Variants in HDAC9 observed in about 807,000 individuals in gnomAD.
HDAC9 encodes MEF-2 interacting transcription repressor (MITR) protein.
A neutral mutation model predicts 139.4 loss-of-function variants in HDAC9; 41 were observed. That is an observed-to-expected ratio of 0.29 (90% CI 0.23 to 0.38). The LOEUF is 0.38. Ranked by LOEUF, HDAC9 falls within the 10% of genes least tolerant of loss-of-function variation. The pLI, the probability that HDAC9 is intolerant of heterozygous loss-of-function variation, is 1.00. For missense variants in HDAC9, 1,147 were observed against 1,297.0 expected, an observed-to-expected ratio of 0.88 and a Z score of 1.78; for synonymous variants, 517 against 476.2, an observed-to-expected ratio of 1.09 and a Z score of -1.12.
At chr7:18,635,707 C>A (rs1235808661) in intron 8 of HDAC9, among the ~76,000 whole-genome samples, 2 of 152,030 alleles carry the variant, frequency 1.3e-5, no homozygotes, top group Non-Finnish European at 2.9e-5. Context: ...ATATAACATA[C>A]TTCTTTTGTT....
intron 12 of HDAC9, among the ~76,000 whole-genome samples, chr7:18,676,374 A>C (rs990110115): frequency 6.6e-6 from 1 of 151,806 alleles, no homozygotes; most frequent in Non-Finnish European, 1.5e-5. Context: ...CTAGTTAGGT[A>C]AATGCTCAAA....
intron 1 of HDAC9, among the ~76,000 whole-genome samples, chr7:18,128,649 C>T (rs576505420): frequency 8.0e-4 from 122 of 152,182 alleles, no homozygotes; most frequent in African/African-American, 2.8e-3. Context: ...TCTCTGCAGT[C>T]AGCCATGCAC....
intron 1 of HDAC9, among the ~76,000 whole-genome samples, chr7:18,406,542 T>C (rs1788027201): frequency 1.3e-5 from 2 of 152,058 alleles, no homozygotes; most frequent in South Asian, 4.1e-4. Context: ...TACAGGTGCC[T>C]GCCACCATGC....
chr7:18,869,405 T>C (rs926804051), intron 21 of HDAC9, among the ~76,000 whole-genome samples: 14 of 152,024 alleles, frequency 9.2e-5, no homozygotes, highest in Non-Finnish European at 1.2e-4. Flanking sequence ...AGCACCTCCT[T>C]CTTCTCTCTC....
At chr7:18,300,950 C>T (rs1395339583) in intron 1 of HDAC9, among the ~76,000 whole-genome samples, 2 of 152,102 alleles carry the variant, frequency 1.3e-5, no homozygotes, top group Non-Finnish European at 2.9e-5. Context: ...CACTATTCCT[C>T]ATGAATCATG....
In HDAC9 at chr7:18,860,912, C is replaced by T. The variant is rs78454685; in HGVS notation, c.2685-13566C>T. 2.6e-5 allele frequency among the ~76,000 whole-genome samples: 4 copies of T among 152,272 alleles called. No homozygotes were observed. The East Asian group carries it at 7.7e-4, about 29-fold the overall frequency. ...GCCCGCTCTCCACACCCTTGTAGCT[C>T]AGCCTCAGTTCTCTAGGATGTGGTC... On this transcript the variant is annotated intron_variant, in intron 21 of 25. Coordinates refer to ENST00000686413, the MANE Select transcript of HDAC9 (RefSeq NM_178425.4).
intron 22 of HDAC9, among the ~76,000 whole-genome samples, chr7:18,932,152 G>C (rs763977162): frequency 6.6e-6 from 1 of 152,030 alleles, no homozygotes; most frequent in Non-Finnish European, 1.5e-5. Flanking sequence ...TAAAATCTAT[G>C]AATTATGAAA....
At chr7:18,850,931 G>C (rs1465121982) in intron 21 of HDAC9, among the ~76,000 whole-genome samples, 2 of 152,136 alleles carry the variant, frequency 1.3e-5, no homozygotes, top group Non-Finnish European at 2.9e-5. Flanking sequence ...GTTCTTGAGG[G>C]CTCTGCTCCC....
chr7:18,380,893 A>C (rs935181066), intron 1 of HDAC9, among the ~76,000 whole-genome samples: 2 of 152,180 alleles, frequency 1.3e-5, no homozygotes, highest in African/African-American at 4.8e-5. Context: ...CTTTTGGGGA[A>C]AAACAAAAGA....
intron 21 of HDAC9, among the ~76,000 whole-genome samples, chr7:18,862,569 A>C (rs1030828155): frequency 3.3e-5 from 5 of 151,986 alleles, no homozygotes; most frequent in Admixed American, 6.6e-5. Context: ...GCAGAATTTA[A>C]CCCCCTTTTT....
At chr7:18,233,600 G>A (rs1430476184) in intron 2 of HDAC9, among the ~76,000 whole-genome samples, 1 of 152,146 alleles carries the variant, frequency 6.6e-6, no homozygotes, top group Non-Finnish European at 1.5e-5. Context: ...TATAAAACAA[G>A]TTGTTTTTGT....
intron 1 of HDAC9, among the ~76,000 whole-genome samples, chr7:18,089,427 A>G (rs1782008363): frequency 6.6e-6 from 1 of 152,142 alleles, no homozygotes; most frequent in African/African-American, 2.4e-5. Flanking sequence ...CAAATTAAGC[A>G]TAACCGTTAT....
chr7:18,668,675 C>G, intron 12 of HDAC9: 1 of 979,444 alleles, frequency 1.0e-6, no homozygotes, highest in Non-Finnish European at 1.2e-6. Flanking sequence ...CTTAAATAAT[C>G]TTAGAATTAA....
chr7:18,140,742 A>G (rs1434395773), intron 1 of HDAC9, among the ~76,000 whole-genome samples: 1 of 152,086 alleles, frequency 6.6e-6, no homozygotes, highest in Non-Finnish European at 1.5e-5. Flanking sequence ...GTCACTGAAC[A>G]TACACATATA....
chr7:18,376,749 A>G (rs1785021652), intron 1 of HDAC9, among the ~76,000 whole-genome samples: 1 of 152,080 alleles, frequency 6.6e-6, no homozygotes, highest in Non-Finnish European at 1.5e-5. Flanking sequence ...TAGAACTTCT[A>G]CTTTATGGTC....
chr7:18,557,649 A>T (rs1819266766), intron 2 of HDAC9, among the ~76,000 whole-genome samples: 1 of 149,440 alleles, frequency 6.7e-6, no homozygotes. Flanking sequence ...TCTTGCCATG[A>T]ACATTGCAAA....
intron 22 of HDAC9, among the ~76,000 whole-genome samples, chr7:18,888,335 A>G (rs1052970492): frequency 7.2e-5 from 11 of 152,218 alleles, no homozygotes; most frequent in South Asian, 4.1e-4. Context: ...TGAGGCAGGA[A>G]AATGGCGTGA....
intron 1 of HDAC9, among the ~76,000 whole-genome samples, chr7:18,455,413 T>C (rs1465893363): frequency 6.6e-6 from 1 of 152,170 alleles, no homozygotes; most frequent in East Asian, 1.9e-4. Flanking sequence ...CATTACACAA[T>C]TGAAGAATCC....
intron 16 of HDAC9, among the ~76,000 whole-genome samples, chr7:18,777,185 G>T (rs1790843003): frequency 6.6e-6 from 1 of 152,008 alleles, no homozygotes. Flanking sequence ...GATCTTAGCA[G>T]CACTGTGTGC....
Sources: allele counts gnomAD v4.1 joint callset (sites outside exome capture counted in the v4.1 genomes callset), GRCh38; gene constraint gnomAD v4.1.1; transcripts MANE v1.5; gene names NCBI Gene and HGNC (gene_info 2026-07-23, HGNC 2026-07-21).